UBE2D3: variants seen among roughly 807,000 people sequenced by gnomAD.
UBE2D3 encodes the protein ubiquitin conjugating enzyme E2 D3, also known as ubiquitin-conjugating enzyme E2 D3.
In UBE2D3, 2 loss-of-function variants were observed where a neutral mutation model predicts 22.8. The observed-to-expected ratio is 0.09, with a 90% CI of 0.04 to 0.28. The LOEUF is 0.28. UBE2D3 is among the 10% of genes least tolerant of loss of function. The pLI, the probability that UBE2D3 is intolerant of heterozygous loss-of-function variation, is 1.00. For missense variants in UBE2D3, 27 were observed against 182.5 expected (o/e 0.15, Z 4.91); for synonymous variants, 56 against 60.4 (o/e 0.93, Z 0.34).
At position 102,809,788 on chromosome 4, in the gene UBE2D3, T is replaced by G. The variant is rs1476599939; in HGVS notation, c.88+4A>C. The stretch of plus-strand genomic sequence containing the variant: ...GCATAAAAATCAACTTGCAAGTTAC[T>G]TACTATCATCCCCAACTGGACCTGC... On this transcript the variant is annotated splice_donor_region_variant and intron_variant, in intron 3 of 7. Coordinates refer to ENST00000453744, the MANE Select transcript of UBE2D3 (RefSeq NM_181891.3). 1 of 1,613,992 alleles carries G rather than the reference T, an allele frequency of 6.2e-7. No homozygotes were observed. The highest frequency in any genetic ancestry group is 1.3e-5 in the African/African-American group (1 of 75,034).
chr4:102,851,148 A>G (rs1732327386), intron 1 of UBE2D3, among the ~76,000 whole-genome samples: 1 of 152,246 alleles, frequency 6.6e-6, no homozygotes, highest in Non-Finnish European at 1.5e-5. Context: ...CCCTCAATAA[A>G]TCATGCCTAC....
At chr4:102,820,300 C>G (rs1012533531) in intron 2 of UBE2D3, among the ~76,000 whole-genome samples, 4 of 152,108 alleles carry the variant, frequency 2.6e-5, no homozygotes, top group African/African-American at 9.7e-5. Flanking sequence ...CAGGGAACAA[C>G]AAACTTCAGA....
chr4:102,836,344 A>G (rs1731401148), intron 1 of UBE2D3, among the ~76,000 whole-genome samples: 9 of 151,780 alleles, frequency 5.9e-5, no homozygotes, highest in Admixed American at 5.9e-4. Flanking sequence ...ACGGGGTTTC[A>G]CCATGTTGGC....
At chr4:102,826,986 G>C (rs926494517) in intron 1 of UBE2D3, 9 of 997,786 alleles carry the variant, frequency 9.0e-6, no homozygotes, top group South Asian at 8.6e-5. Flanking sequence ...GAAAGGCAAG[G>C]GGGGAGGGGG....
rs79990446 is a variant in UBE2D3, at chr4:102,798,825, A to G, written c.398+582T>C. The G allele has an allele frequency of 2.9e-3, 3,115 of 1,062,746 alleles. 64 individuals are homozygous for G. The African/African-American group carries it at 0.042, about 14-fold the overall frequency. 65.8% of individuals were successfully genotyped at this position (1,062,746 alleles called of 1,614,324 possible). A position where few individuals can be genotyped will look rare whatever the true frequency, so the allele number is the denominator to read the frequency against. On this transcript the variant is annotated intron_variant, in intron 7 of 7. Coordinates refer to ENST00000453744, the MANE Select transcript of UBE2D3 (RefSeq NM_181891.3). ...AATGTACAGTTTTCAGAAGACTGCC[A>G]TATTTGTTACCTTTTGTTAGTTAAT...
chr4:102,813,322 A>T (rs1237141170), intron 2 of UBE2D3, among the ~76,000 whole-genome samples: 1 of 152,184 alleles, frequency 6.6e-6, no homozygotes, highest in African/African-American at 2.4e-5. Flanking sequence ...AAGCAGCTGG[A>T]GTTGCAGGTA....
intron 1 of UBE2D3, among the ~76,000 whole-genome samples, chr4:102,833,867 C>T (rs1271486949): frequency 6.6e-6 from 1 of 152,144 alleles, no homozygotes; most frequent in African/African-American, 2.4e-5. Context: ...TGAGAAAATG[C>T]TCCATAGAAT....
At chr4:102,803,577 C>A (rs930404953) in intron 4 of UBE2D3, among the ~76,000 whole-genome samples, 4 of 152,170 alleles carry the variant, frequency 2.6e-5, no homozygotes, top group Admixed American at 2.6e-4. Flanking sequence ...TTGCTATATA[C>A]TGTATGTGTG....
chr4:102,824,743 C>T (rs187754792), intron 2 of UBE2D3, among the ~76,000 whole-genome samples: 1 of 152,344 alleles, frequency 6.6e-6, no homozygotes, highest in Admixed American at 6.5e-5. Context: ...GGATCTGGTA[C>T]TATTCCACAT....
rs145427461 is a variant in UBE2D3, at chr4:102,822,480, A to C, written c.24+4005T>G. On this transcript the variant is annotated intron_variant, in intron 2 of 7. Transcript: ENST00000453744. ...TTGAAGAGACTACCCCAAAAGAATTAAATCCACTTCTACTTTCAAAATATT... is the reference window on the plus strand; with the variant it reads ...TTGAAGAGACTACCCCAAAAGAATTCAATCCACTTCTACTTTCAAAATATT... Among the ~76,000 whole-genome samples the C allele has an allele frequency of 4.1e-3, 630 of 152,356 alleles. 5 individuals are homozygous for C. Among genetic ancestry groups the C allele is most frequent in the African/African-American group, 0.014 (590 of 41,584 alleles).
intron 4 of UBE2D3, among the ~76,000 whole-genome samples, chr4:102,806,836 C>A (rs1338998853): frequency 6.6e-6 from 1 of 152,032 alleles, no homozygotes; most frequent in African/African-American, 2.4e-5. Context: ...TACCCCACGC[C>A]CCCCTCCCCA....
intron 2 of UBE2D3, chr4:102,819,583 CG>C: frequency 1.0e-6 from 1 of 985,206 alleles, no homozygotes; most frequent in Admixed American, 6.2e-5. Context: ...CCTATTAAAG[CG>C]TAACGCCATA....
chr4:102,806,965 T>A (rs1013639643), intron 4 of UBE2D3, among the ~76,000 whole-genome samples: 4 of 152,282 alleles, frequency 2.6e-5, no homozygotes, highest in Admixed American at 2.6e-4. Flanking sequence ...CCAGTACATA[T>A]GATTATTAAA....
intron 1 of UBE2D3, among the ~76,000 whole-genome samples, chr4:102,851,051 C>G (rs1386904877): frequency 1.3e-5 from 2 of 152,206 alleles, no homozygotes; most frequent in East Asian, 3.9e-4. Flanking sequence ...TCCATGTAAC[C>G]AAAACCCACC....
upstream of UBE2D3, chr4:102,827,910 C>A: frequency 1.0e-6 from 1 of 985,626 alleles, no homozygotes; most frequent in Non-Finnish European, 1.2e-6. Flanking sequence ...TCCAGCCCCA[C>A]GCCCCTCCCC....
intron 1 of UBE2D3, among the ~76,000 whole-genome samples, chr4:102,855,565 T>C (rs1732580021): frequency 6.6e-6 from 1 of 152,122 alleles, no homozygotes; most frequent in Non-Finnish European, 1.5e-5. Context: ...GGATTACAGG[T>C]GTGTGCCACC....
upstream of UBE2D3, chr4:102,828,169 T>G (rs1730877474): frequency 1.0e-6 from 1 of 984,776 alleles, no homozygotes; most frequent in African/African-American, 1.8e-5. Flanking sequence ...GTAGAGGAAA[T>G]GGAATTCCCC....
intron 2 of UBE2D3, among the ~76,000 whole-genome samples, chr4:102,814,668 T>C (rs925609046): frequency 1.3e-5 from 2 of 152,018 alleles, no homozygotes; most frequent in Admixed American, 6.6e-5. Context: ...ATCTCTGAAA[T>C]AGGAATCACT....
At chr4:102,799,169 A>G (rs1725723440) in intron 7 of UBE2D3, among the ~76,000 whole-genome samples, 1 of 151,920 alleles carries the variant, frequency 6.6e-6, no homozygotes, top group African/African-American at 2.4e-5. Context: ...ATAAAGTGAT[A>G]CTGTTTAACA....
Sources: gnomAD v4.1 joint callset for allele counts (sites outside exome capture counted in the v4.1 genomes callset) on GRCh38, gnomAD v4.1.1 for gene constraint, MANE v1.5 for transcripts, NCBI Gene and HGNC (gene_info 2026-07-23, HGNC 2026-07-21) for gene names.